Variants in CRMP1 observed in about 807,000 individuals in gnomAD.
CRMP1 encodes dihydropyrimidinase-related protein 1.
CRMP1 carries 19 observed loss-of-function variants against 68.3 expected under a neutral mutation model. The ratio of observed to expected loss-of-function variants is 0.28; its 90% CI spans 0.19 to 0.41. The LOEUF (loss-of-function observed/expected upper bound fraction) is 0.41, where lower values mean the gene tolerates loss of function less well. CRMP1 is among the 10% of genes least tolerant of loss of function. The pLI is 1.00. For synonymous variants in CRMP1, 439 were observed against 399.6 expected, an observed-to-expected ratio of 1.10 and a Z score of -1.18; for missense variants, 791 against 967.4, an observed-to-expected ratio of 0.82 and a Z score of 2.42.
intron 6 of CRMP1, among the ~76,000 whole-genome samples, chr4:5,844,769 C>T (rs1712057621): frequency 1.3e-5 from 2 of 152,160 alleles, no homozygotes; most frequent in South Asian, 2.1e-4. Context: ...GGGGTGCGTG[C>T]ACGCTGGGAA....
At chr4:5,844,655 G>A (rs1391531259) in intron 6 of CRMP1, among the ~76,000 whole-genome samples, 3 of 152,234 alleles carry the variant, frequency 2.0e-5, no homozygotes, top group Non-Finnish European at 4.4e-5. Context: ...GGATGTGCTG[G>A]AGCTGGAACA....
At chr4:5,830,065 T>TATC in intron 11 of CRMP1, among the ~76,000 whole-genome samples, 2 of 152,346 alleles carry the variant, frequency 1.3e-5, no homozygotes, top group Middle Eastern at 6.8e-3. Flanking sequence ...TGAAAAATAC[T>TATC]ATCTCTAGGT....
chr4:5,830,811 C>T (rs1720320340), intron 11 of CRMP1, among the ~76,000 whole-genome samples: 2 of 152,210 alleles, frequency 1.3e-5, no homozygotes, highest in Non-Finnish European at 2.9e-5. Context: ...TCTGGGAACT[C>T]TGCTTTCCTA....
At chr4:5,828,250 C>G (rs1262283960) in intron 12 of CRMP1, 2 of 985,418 alleles carry the variant, frequency 2.0e-6, no homozygotes, top group African/African-American at 1.7e-5. Context: ...CCCACCCTCA[C>G]GGGTGCACAC....
At chr4:5,863,783 A>G (rs999189907) in intron 2 of CRMP1, among the ~76,000 whole-genome samples, 2 of 152,212 alleles carry the variant, frequency 1.3e-5, no homozygotes, top group Non-Finnish European at 2.9e-5. Context: ...GAATTAAAGG[A>G]TTCTTGGGGT....
At chr4:5,852,957 G>A (rs998923870) in intron 4 of CRMP1, among the ~76,000 whole-genome samples, 2 of 152,044 alleles carry the variant, frequency 1.3e-5, no homozygotes, top group East Asian at 1.9e-4. Flanking sequence ...AGGCAGCCTC[G>A]AGCAGATGGG....
intron 1 of CRMP1, among the ~76,000 whole-genome samples, chr4:5,873,584 A>G (rs1378088443): frequency 6.6e-6 from 1 of 152,116 alleles, no homozygotes; most frequent in Non-Finnish European, 1.5e-5. Flanking sequence ...TTAAATAACC[A>G]GATCTCCTCA....
chr4:5,888,237 C>T lies in CRMP1; in HGVS notation c.381+4352G>A. The T allele has an allele frequency of 1.6e-6, 2 of 1,285,002 alleles. No individual in the cohort carries two copies. Among genetic ancestry groups the T allele is most frequent in the Non-Finnish European group, 2.0e-6 (2 of 1,010,374 alleles). The allele number at this position is 1,285,002 out of a possible 1,614,324, so 79.6% of individuals were successfully genotyped here. Reference sequence around the variant, plus strand: ...GGCGGGGGCCGCTTACCGTGATGTGCGGGATGCTCTTCTTGCCCTGGTACG... The same window carrying T: ...GGCGGGGGCCGCTTACCGTGATGTGTGGGATGCTCTTCTTGCCCTGGTACG... On this transcript the variant is annotated intron_variant, in intron 1 of 13. Transcript: ENST00000324989. The surrounding 1 kb of genome is among the most constrained non-coding windows in gnomAD (Gnocchi z 6.4).
In CRMP1 at chr4:5,859,518, G is replaced by A. The variant is rs115569030; in HGVS notation, c.655+1508C>T. On this transcript the variant is annotated intron_variant, in intron 3 of 13. Coordinates refer to ENST00000324989, the MANE Select transcript of CRMP1 (RefSeq NM_001014809.3). The surrounding 1 kb of genome is among the most constrained non-coding windows in gnomAD (Gnocchi z 5.2). ...CACTACATGAAGGAATCTCATGTAC[G>A]TCTCCAAACCACCCTAGGCACTTCC... Among the ~76,000 whole-genome samples, 3,655 of 152,278 alleles carry A rather than the reference G, an allele frequency of 0.024. 69 individuals are homozygous for A. The highest frequency in any genetic ancestry group is 0.046 in the South Asian group (220 of 4,818).
At chr4:5,851,907 GA>G (rs1712674137) in intron 4 of CRMP1, among the ~76,000 whole-genome samples, 1 of 148,732 alleles carries the variant, frequency 6.7e-6, no homozygotes, top group African/African-American at 2.5e-5. Context: ...AGAAAAAGGA[GA>G]AAGAGAAGGA....
In CRMP1 at chr4:5,892,778, C is replaced by T; in HGVS notation, c.192G>A (p.Pro64=). ...SVGRRGSART[P]RSAGRPDAVG... is the part of the protein sequence containing the mutation. ...CCGCGTCGGGCCGGCCAGCGCTGCG[C>T]GGCGTGCGCGCCGAGCCGCGGCGGC... is the stretch of plus-strand genomic sequence containing the variant. The change falls in exon 1 of 14, where the codon CCG becomes CCA. Residue 64 remains proline, a synonymous_variant. Transcript: ENST00000324989. The surrounding 1 kb of genome is among the most constrained non-coding windows in gnomAD (Gnocchi z 8.6). The T allele has an allele frequency of 7.7e-7, 1 of 1,290,974 alleles. No homozygotes were observed. The highest frequency in any genetic ancestry group is 2.2e-5 in the South Asian group (1 of 45,086). The allele number at this position is 1,290,974 out of a possible 1,614,324, so 80.0% of individuals were successfully genotyped here. A position where few individuals can be genotyped will look rare whatever the true frequency, so the allele number is the denominator to read the frequency against.
chr4:5,844,005 G>A (rs1258266930), intron 6 of CRMP1, among the ~76,000 whole-genome samples: 2 of 152,072 alleles, frequency 1.3e-5, no homozygotes, highest in Non-Finnish European at 2.9e-5. Flanking sequence ...GATGCCAGCT[G>A]TACTGCTGCT....
intron 1 of CRMP1, among the ~76,000 whole-genome samples, chr4:5,875,590 G>A (rs1284297943): frequency 6.6e-6 from 1 of 152,062 alleles, no homozygotes; most frequent in African/African-American, 2.4e-5. Flanking sequence ...AATATAAATA[G>A]GAGTTCAGAA....
At position 5,843,443 on chromosome 4, in the gene CRMP1, T is replaced by C. The variant is rs569211496; in HGVS notation, c.964-282A>G. ...GAAGCAGGGTTATAAGACACGAGCT[T>C]CCAAGGCCACCCACCACTCTCTGAA... On this transcript the variant is annotated intron_variant, in intron 6 of 13. Coordinates refer to ENST00000324989, the MANE Select transcript of CRMP1 (RefSeq NM_001014809.3). The surrounding 1 kb of genome is among the most constrained non-coding windows in gnomAD (Gnocchi z 4.1). 2.6e-5 allele frequency among the ~76,000 whole-genome samples: 4 copies of C among 152,192 alleles called. No individual in the cohort carries two copies. In the East Asian group the frequency reaches 7.7e-4, roughly 29 times the overall value.
rs1050497580 is a variant in CRMP1, at chr4:5,881,855, A to G, written c.381+10734T>C. 5.3e-5 allele frequency among the ~76,000 whole-genome samples: 8 copies of G among 152,080 alleles called. No individual in the cohort carries two copies. Among genetic ancestry groups the G allele is most frequent in the African/African-American group, 1.9e-4 (8 of 41,414 alleles). On this transcript the variant is annotated intron_variant, in intron 1 of 13. Transcript: ENST00000324989. This position sits in a 1 kb window ranked among gnomAD's most constrained non-coding sequence, Gnocchi z 4.6. ...ACCACTGGTTGTTGAAATAGCTTGC[A>G]TTTTTCTGTCTTCTACCAATACCTT...
Position 5,889,405 on chromosome 4 carries a change from G to C in CRMP1, c.381+3184C>G, listed in dbSNP as rs1054732699. On this transcript the variant is annotated intron_variant, in intron 1 of 13. Coordinates refer to ENST00000324989, the MANE Select transcript of CRMP1 (RefSeq NM_001014809.3). The surrounding 1 kb of genome is among the most constrained non-coding windows in gnomAD (Gnocchi z 4.5). ...AAGCTGGGGGTCAGGAGGAGGACTA[G>C]GGTGCTCCTGCCTCCCAGCACTGTG... is the stretch of plus-strand genomic sequence containing the variant. Among the ~76,000 whole-genome samples, 1 of 152,160 alleles carries C rather than the reference G, an allele frequency of 6.6e-6. No individual in the cohort carries two copies. The highest frequency in any genetic ancestry group is 1.5e-5 in the Non-Finnish European group (1 of 68,020).
chr4:5,824,983 T>C (rs564238672), intron 13 of CRMP1: 153 of 985,358 alleles, frequency 1.6e-4, no homozygotes, highest in Non-Finnish European at 1.8e-4. Context: ...ACTGGATTTC[T>C]TGGGGCTTCC....
At chr4:5,832,172 T>A (rs6856939) in intron 11 of CRMP1, among the ~76,000 whole-genome samples, 71,423 of 151,960 alleles carry the variant, frequency 0.47, 20,026 homozygotes, top group African/African-American at 0.79. Context: ...GGAATGGGGG[T>A]GAGAGAGAGG....
At position 5,889,609 on chromosome 4, in the gene CRMP1, A is replaced by C; in HGVS notation, c.381+2980T>G. On this transcript the variant is annotated intron_variant, in intron 1 of 13. Coordinates refer to ENST00000324989, the MANE Select transcript of CRMP1 (RefSeq NM_001014809.3). The surrounding 1 kb of genome is among the most constrained non-coding windows in gnomAD (Gnocchi z 4.5). Reference sequence around the variant, plus strand: ...GGACAGGTGCCCCAAGTTCCCAGGCAGAATAAAACACCAACCTTGTCCACC... The same window carrying C: ...GGACAGGTGCCCCAAGTTCCCAGGCCGAATAAAACACCAACCTTGTCCACC... 1 of 1,536,190 alleles carries C rather than the reference A, an allele frequency of 6.5e-7. No homozygotes were observed. The highest frequency in any genetic ancestry group is 8.7e-7 in the Non-Finnish European group (1 of 1,146,916).
Sources: gnomAD v4.1 joint callset for allele counts (sites outside exome capture counted in the v4.1 genomes callset) on GRCh38, gnomAD v4.1.1 for gene constraint, Gnocchi (gnomAD v3.1) non-coding constraint, MANE v1.5 for transcripts, NCBI Gene and HGNC (gene_info 2026-07-23, HGNC 2026-07-21) for gene names.